Variants in HTN1 observed in about 807,000 individuals in gnomAD.
The protein encoded by HTN1 is histatin 1.
HTN1 carries 18 observed loss-of-function variants against 11.2 expected under a neutral mutation model. The observed-to-expected ratio is 1.61, with a 90% CI of 1.12 to 2.39. HTN1 has a LOEUF of 2.39. Ranked by LOEUF, HTN1 falls within the 30% of genes most tolerant of loss-of-function variation. The probability of loss-of-function intolerance (pLI) is 0.00; values close to 1 mark genes in which losing one functional copy is unlikely to be tolerated. For missense variants in HTN1, 80 were observed against 67.2 expected (o/e 1.19, Z -0.67); for synonymous variants, 21 against 20.5 (o/e 1.02, Z -0.07).
intron 1 of HTN1, among the ~76,000 whole-genome samples, chr4:70,052,588 G>A (rs1486442655): frequency 6.6e-6 from 1 of 151,916 alleles, no homozygotes; most frequent in Non-Finnish European, 1.5e-5. Flanking sequence ...CTCTTGGTCT[G>A]TTTAAGATGT....
intron 5 of HTN1, chr4:70,057,263 A>C (rs1726067435): frequency 6.6e-6 from 1 of 152,232 alleles, no homozygotes; most frequent in African/African-American, 2.4e-5. Context: ...GGAAGCCATC[A>C]TCCTCAGCAA....
At position 70,055,593 on chromosome 4, in the gene HTN1, G is replaced by T. The variant is rs749628232; in HGVS notation, c.*24G>T. The T allele has an allele frequency of 7.2e-7, 1 of 1,389,260 alleles. No individual in the cohort carries two copies. The highest frequency in any genetic ancestry group is 1.0e-6 in the Non-Finnish European group (1 of 978,010). 86.1% of individuals were successfully genotyped at this position (1,389,260 alleles called of 1,614,324 possible). ...GATATCCTTAGTAATCATGGGGCAT[G>T]ATTATAGAGGTAAGCTGACTCTAGT... is the stretch of plus-strand genomic sequence containing the variant. On this transcript the variant is annotated 3_prime_UTR_variant, in exon 5 of 6. Coordinates refer to ENST00000246896, the MANE Select transcript of HTN1 (RefSeq NM_002159.4).
chr4:70,051,581 C>A (rs942958810), intron 1 of HTN1, among the ~76,000 whole-genome samples: 5 of 151,988 alleles, frequency 3.3e-5, no homozygotes, highest in Non-Finnish European at 7.4e-5. Flanking sequence ...CAGTAAAATT[C>A]TCATGCCTTT....
intron 2 of HTN1, among the ~76,000 whole-genome samples, chr4:70,053,575 T>G (rs1725954556): frequency 6.6e-6 from 1 of 152,182 alleles, no homozygotes; most frequent in African/African-American, 2.4e-5. Flanking sequence ...AATTATTTAA[T>G]TCTTCCTAAA....
intron 1 of HTN1, among the ~76,000 whole-genome samples, chr4:70,052,179 G>A (rs1042923273): frequency 6.6e-6 from 1 of 152,058 alleles, no homozygotes; most frequent in Admixed American, 6.6e-5. Flanking sequence ...CATTTTCCCT[G>A]TGAATTCTCT....
At chr4:70,056,150 G>A (rs1345921843) in intron 5 of HTN1, 1 of 151,988 alleles carries the variant, frequency 6.6e-6, no homozygotes, top group Non-Finnish European at 1.5e-5. Flanking sequence ...CCTTGAAGAG[G>A]TCCTTCACAT....
At chr4:70,057,425 G>A (rs376566816) in intron 5 of HTN1, 26 of 152,216 alleles carry the variant, frequency 1.7e-4, no homozygotes, top group African/African-American at 5.5e-4. Flanking sequence ...ATCAATAGGT[G>A]CAGCAAACCA....
chr4:70,056,451 G>A (rs1459246305), intron 5 of HTN1: 2 of 152,060 alleles, frequency 1.3e-5, no homozygotes, highest in East Asian at 1.9e-4. Context: ...GAAAACTTAG[G>A]TGATACCATT....
Position 70,055,498 on chromosome 4 carries a change from G to C in HTN1, c.103G>C (p.Glu35Gln). Residue 35 changes from glutamate (E) to glutamine (Q), a missense_variant and splice_region_variant, in exon 5 of 6, where the codon GAA becomes CAA. Transcript: ENST00000246896. ...RHHGYRRKFH[E>Q]KHHSHREFPF... is the part of the protein sequence containing the mutation. ...GCTCTCTCCTTTTGTGTGTATGCAG[G>C]AAAAGCATCATTCACATCGAGAATT... 1 of 1,588,338 alleles carries C rather than the reference G, an allele frequency of 6.3e-7. No homozygotes were observed. The highest frequency in any genetic ancestry group is 8.6e-7 in the Non-Finnish European group (1 of 1,157,602).
At chr4:70,056,482 A>T (rs776246111) in intron 5 of HTN1, 15 of 152,176 alleles carry the variant, frequency 9.9e-5, no homozygotes, top group Non-Finnish European at 1.6e-4. Flanking sequence ...GTTGGCAAAG[A>T]CTTCATGTAA....
In HTN1 at chr4:70,052,868, T is replaced by G. The variant is rs1253600158; in HGVS notation, c.-13-196T>G. 1.2e-5 allele frequency: 6 copies of G among 485,414 alleles called. No homozygotes were observed. In the South Asian group the frequency reaches 1.9e-4, roughly 16 times the overall value. 30.1% of individuals were successfully genotyped at this position (485,414 alleles called of 1,614,324 possible). On this transcript the variant is annotated intron_variant, in intron 1 of 5. Coordinates refer to ENST00000246896, the MANE Select transcript of HTN1 (RefSeq NM_002159.4). ...TTGTAGTTCCAGCTACAAGTGGGAC[T>G]AGGGAGGCTAAGGTGGGAGGATGGC...
At chr4:70,051,671 T>C (rs757272131) in intron 1 of HTN1, among the ~76,000 whole-genome samples, 1 of 152,112 alleles carries the variant, frequency 6.6e-6, no homozygotes, top group African/African-American at 2.4e-5. Flanking sequence ...TTATAGTTAG[T>C]CCTATAGTAG....
chr4:70,051,318 G>C (rs1163791781), intron 1 of HTN1, among the ~76,000 whole-genome samples: 1 of 152,032 alleles, frequency 6.6e-6, no homozygotes, highest in East Asian at 1.9e-4. Flanking sequence ...TACTGTATAA[G>C]AGTTAGTCAT....
chr4:70,054,512 C>T, intron 4 of HTN1, 62 bp downstream of exon 4: 1 of 1,028,658 alleles, frequency 9.7e-7, no homozygotes. Flanking sequence ...ATTTATTCTC[C>T]TAGAAGAATC....
At chr4:70,053,526 A>C (rs1293851131) in intron 2 of HTN1, among the ~76,000 whole-genome samples, 1 of 152,176 alleles carries the variant, frequency 6.6e-6, no homozygotes, top group Non-Finnish European at 1.5e-5. Flanking sequence ...GGAATTTTCA[A>C]GTCATTTCTT....
chr4:70,052,261 A>T (rs964111674), intron 1 of HTN1, among the ~76,000 whole-genome samples: 6 of 152,118 alleles, frequency 3.9e-5, no homozygotes, highest in Non-Finnish European at 7.4e-5. Flanking sequence ...GGATTCTGTA[A>T]TAGAACTCTG....
intron 5 of HTN1, 57 bp downstream of exon 5, chr4:70,055,659 A>G: frequency 1.3e-6 from 1 of 785,204 alleles, no homozygotes; most frequent in East Asian, 2.6e-5. Context: ...CAGTTTAAAA[A>G]AAAAGCCATA....
At chr4:70,055,384 T>G (rs1726010228) in intron 4 of HTN1, 114 bp from the exon 5 acceptor site, 1 of 741,612 alleles carries the variant, frequency 1.3e-6, no homozygotes, top group African/African-American at 1.8e-5. Flanking sequence ...GTAGATAAAA[T>G]ACAAGGTCTT....
intron 5 of HTN1, chr4:70,058,236 T>G (rs1726093751): frequency 6.6e-6 from 1 of 152,146 alleles, no homozygotes; most frequent in South Asian, 2.1e-4. Context: ...GTTAGATAAT[T>G]GCTGATGACA....
Sources: allele counts gnomAD v4.1 joint callset (sites outside exome capture counted in the v4.1 genomes callset), GRCh38; gene constraint gnomAD v4.1.1; transcripts MANE v1.5; gene names NCBI Gene and HGNC (gene_info 2026-07-23, HGNC 2026-07-21).